SEMA5A: variants seen among roughly 807,000 people sequenced by gnomAD.
SEMA5A encodes semaphorin 5A, also known as semaphorin-5A.
Under a neutral mutation model 135.5 loss-of-function variants are expected in SEMA5A, and 55 were observed. The observed-to-expected ratio is 0.41, with a 90% CI of 0.33 to 0.51. The LOEUF (loss-of-function observed/expected upper bound fraction) is 0.51. SEMA5A is among the 20% of genes least tolerant of loss of function. The pLI, the probability that SEMA5A is intolerant of heterozygous loss-of-function variation, is 0.37. For missense variants in SEMA5A, 1,290 were observed against 1,419.9 expected, an observed-to-expected ratio of 0.91 and a Z score of 1.47; for synonymous variants, 580 against 546.5, an observed-to-expected ratio of 1.06 and a Z score of -0.85.
intron 8 of SEMA5A, 56 bp from the exon 9 acceptor site, chr5:9,202,296 G>T (rs1745760365): frequency 1.3e-6 from 2 of 1,565,496 alleles, no homozygotes; most frequent in African/African-American, 1.4e-5. Context: ...TTCCCTTTTG[G>T]TCTTGCCTGC....
At chr5:9,473,714 A>G (rs141249446) in intron 1 of SEMA5A, among the ~76,000 whole-genome samples, 1,792 of 152,258 alleles carry the variant, frequency 0.012, 33 homozygotes, top group African/African-American at 0.041. Flanking sequence ...GTGCATGGCC[A>G]TGGGTGGACT....
chr5:9,200,267 T>C (rs2150364823), intron 9 of SEMA5A, among the ~76,000 whole-genome samples: 1 of 152,358 alleles, frequency 6.6e-6, no homozygotes, highest in South Asian at 2.1e-4. Flanking sequence ...ACAAATAGTC[T>C]AGAGTAGTCT....
At chr5:9,463,828 TCTGGCTCTGTTGAAAAAGTACTCCA>T (rs1413771125) in intron 1 of SEMA5A, among the ~76,000 whole-genome samples, 2 of 152,242 alleles carry the variant, frequency 1.3e-5, no homozygotes, top group African/African-American at 2.4e-5. Flanking sequence ...TGTGTTCTCA[TCTGGCTCTGTTGAAAAAGTACTCCA>T]CACCCCCCTG....
chr5:9,541,519 G>A (rs1738090768), intron 1 of SEMA5A, among the ~76,000 whole-genome samples: 1 of 151,824 alleles, frequency 6.6e-6, no homozygotes. Flanking sequence ...TTTTCCCCAA[G>A]TGTTAATCAG....
chr5:9,294,255 T>C (rs1056331180), intron 5 of SEMA5A, among the ~76,000 whole-genome samples: 3 of 152,112 alleles, frequency 2.0e-5, no homozygotes, highest in South Asian at 4.1e-4. Flanking sequence ...GTGCCATGAC[T>C]CCTCATAGGC....
At position 9,122,720 on chromosome 5, in the gene SEMA5A, G is replaced by A; in HGVS notation, c.1717C>T (p.Pro573Ser). ...CLCRTRSCDSPAPQCGGWQCE... is the reference protein window; with the variant it reads ...CLCRTRSCDSSAPQCGGWQCE... ...TGCCAGCCACCACACTGCGGGGCCG[G>A]GCTGTCGCAGGAGCGGGTTCGACAG... Residue 573 changes from proline to serine, a missense_variant, in exon 14 of 23, where the codon CCG becomes TCG. This residue lies in a region of SEMA5A where 1,029 missense variants were observed against 1,086.6 expected (regional missense o/e 0.95). Coordinates refer to ENST00000382496, the MANE Select transcript of SEMA5A (RefSeq NM_003966.3). 1 of 1,613,646 alleles carries A rather than the reference G, an allele frequency of 6.2e-7. No homozygotes were observed. The highest frequency in any genetic ancestry group is 8.5e-7 in the Non-Finnish European group (1 of 1,179,878).
intron 1 of SEMA5A, among the ~76,000 whole-genome samples, chr5:9,541,851 C>G (rs1017319956): frequency 6.6e-5 from 10 of 152,162 alleles, no homozygotes; most frequent in South Asian, 2.1e-4. Flanking sequence ...GTGAAATGGA[C>G]AGCCTGGTTT....
Position 9,037,633 on chromosome 5 carries a change from T to C in SEMA5A, c.*5264A>G, listed in dbSNP as rs1735722169. ...TCACCAGCAGTTCAACATTACATCT[T>C]ATTTACCTTTTCTATTACCAAAAGA... On this transcript the variant is annotated 3_prime_UTR_variant, in exon 23 of 23. Coordinates refer to ENST00000382496, the MANE Select transcript of SEMA5A (RefSeq NM_003966.3). 1 of 152,176 alleles carries C rather than the reference T, an allele frequency of 6.6e-6. No homozygotes were observed. The highest frequency in any genetic ancestry group is 1.5e-5 in the Non-Finnish European group (1 of 68,038). 9.4% of individuals were successfully genotyped at this position (152,176 alleles called of 1,614,324 possible). A position where few individuals can be genotyped will look rare whatever the true frequency, so the allele number is the denominator to read the frequency against.
chr5:9,417,975 CT>C (rs1355952599), intron 2 of SEMA5A, among the ~76,000 whole-genome samples: 1 of 116,786 alleles, frequency 8.6e-6, no homozygotes, highest in Non-Finnish European at 1.8e-5. Context: ...TCCAGTGTCT[CT>C]TCTTTTTTTT....
At chr5:9,182,049 G>A (rs1436923943) in intron 11 of SEMA5A, among the ~76,000 whole-genome samples, 1 of 151,796 alleles carries the variant, frequency 6.6e-6, no homozygotes, top group Admixed American at 6.6e-5. Context: ...CACATTGCAC[G>A]TTTCTTCTTA....
At chr5:9,364,830 T>C (rs1234209468) in intron 3 of SEMA5A, among the ~76,000 whole-genome samples, 1 of 152,248 alleles carries the variant, frequency 6.6e-6, no homozygotes, top group African/African-American at 2.4e-5. Flanking sequence ...AGTCATTCAA[T>C]GTCTTCTAAA....
chr5:9,091,442 T>C (rs1371404106), intron 16 of SEMA5A, among the ~76,000 whole-genome samples: 2 of 151,796 alleles, frequency 1.3e-5, no homozygotes, highest in African/African-American at 2.4e-5. Flanking sequence ...GTGTAGGTCC[T>C]GAGAAGTTTG....
At chr5:9,093,312 A>C (rs1739136196) in intron 16 of SEMA5A, among the ~76,000 whole-genome samples, 1 of 152,358 alleles carries the variant, frequency 6.6e-6, no homozygotes, top group Middle Eastern at 3.4e-3. Flanking sequence ...AATTTAAAAC[A>C]TGATGTAACA....
At chr5:9,337,050 G>A (rs2150717618) in intron 4 of SEMA5A, among the ~76,000 whole-genome samples, 1 of 152,306 alleles carries the variant, frequency 6.6e-6, no homozygotes, top group East Asian at 1.9e-4. Context: ...AGTGAAAACA[G>A]GGGAAAGAAC....
At chr5:9,505,660 T>C (rs1735841376) in intron 1 of SEMA5A, among the ~76,000 whole-genome samples, 1 of 152,206 alleles carries the variant, frequency 6.6e-6, no homozygotes, top group Non-Finnish European at 1.5e-5. Context: ...CCCAGGACTC[T>C]GGTGAAGGAG....
chr5:9,078,630 T>C (rs1031318764), intron 16 of SEMA5A, among the ~76,000 whole-genome samples: 2 of 149,350 alleles, frequency 1.3e-5, no homozygotes, highest in Non-Finnish European at 3.0e-5. Context: ...TATGCAACAA[T>C]AAGAAAAACA....
chr5:9,491,171 C>A, intron 1 of SEMA5A, among the ~76,000 whole-genome samples: 1 of 152,038 alleles, frequency 6.6e-6, no homozygotes, highest in East Asian at 1.9e-4. Context: ...ACTTATATGA[C>A]ACACACCCAT....
Position 9,154,472 on chromosome 5 carries a change from C to G in SEMA5A, c.1481+16G>C, listed in dbSNP as rs774913242. 1 of 1,611,088 alleles carries G rather than the reference C, an allele frequency of 6.2e-7. No individual in the cohort carries two copies. ...CACACACACACCAGTGCATCCTGAC[C>G]CCGGAGATGCCCTACCTGCGTGTGC... On this transcript the variant is annotated intron_variant, in intron 12 of 22. Coordinates refer to ENST00000382496, the MANE Select transcript of SEMA5A (RefSeq NM_003966.3).
intron 16 of SEMA5A, among the ~76,000 whole-genome samples, chr5:9,107,392 T>A (rs1347206844): frequency 6.6e-6 from 1 of 152,210 alleles, no homozygotes; most frequent in African/African-American, 2.4e-5. Flanking sequence ...CATTCTCTTT[T>A]ATCCTCTCTG....
Sources: gnomAD v4.1 joint callset for allele counts (sites outside exome capture counted in the v4.1 genomes callset) on GRCh38, gnomAD v4.1.1 for gene constraint, gnomAD v4.1.1 regional missense constraint, MANE v1.5 for transcripts, NCBI Gene and HGNC (gene_info 2026-07-23, HGNC 2026-07-21) for gene names.